RANBP2: variants seen among roughly 807,000 people sequenced by gnomAD.
RANBP2 encodes the protein RAN binding protein 2, also known as E3 SUMO-protein ligase RanBP2.
Under a neutral mutation model 303.6 loss-of-function variants are expected in RANBP2, and 57 were observed. That is an observed-to-expected ratio of 0.19 (90% CI 0.15 to 0.23). The LOEUF (loss-of-function observed/expected upper bound fraction) is 0.23, where lower values mean the gene tolerates loss of function less well. RANBP2 is among the 10% of genes least tolerant of loss of function. The pLI, the probability that RANBP2 is intolerant of heterozygous loss-of-function variation, is 1.00. For synonymous variants in RANBP2, 1,167 were observed against 1,301.5 expected, an observed-to-expected ratio of 0.90 and a Z score of 2.23; for missense variants, 3,138 against 3,780.8, an observed-to-expected ratio of 0.83 and a Z score of 4.46.
intron 4 of RANBP2, among the ~76,000 whole-genome samples, chr2:108,734,379 G>T (rs1695404588): frequency 1.3e-5 from 2 of 152,110 alleles, no homozygotes; most frequent in South Asian, 4.1e-4. Context: ...TACTAAAATG[G>T]TATTTTGTTT....
At chr2:109,280,543 A>T in the RANBP2 span, among the ~76,000 whole-genome samples, 4 of 152,208 alleles carry the variant, frequency 2.6e-5, no homozygotes, top group African/African-American at 9.6e-5. Context: ...CAGTCCTAGC[A>T]GTCATTGAAA....
At chr2:109,604,014 T>C in the RANBP2 span, among the ~76,000 whole-genome samples, 1 of 151,180 alleles carries the variant, frequency 6.6e-6, no homozygotes, top group African/African-American at 2.4e-5. Context: ...ACAAAAAAAT[T>C]AGCCGGGCAT....
the RANBP2 span, among the ~76,000 whole-genome samples, chr2:108,797,231 T>C: frequency 6.6e-6 from 1 of 151,950 alleles, no homozygotes; most frequent in Non-Finnish European, 1.5e-5. Flanking sequence ...TAAGTGACAG[T>C]AGAGGAAGCA....
chr2:109,422,636 T>C, the RANBP2 span, among the ~76,000 whole-genome samples: 2 of 152,248 alleles, frequency 1.3e-5, no homozygotes, highest in Admixed American at 6.5e-5. Context: ...CCGCCATTCC[T>C]CTGGCAGACC....
chr2:109,143,424 T>G, the RANBP2 span, among the ~76,000 whole-genome samples: 1 of 152,064 alleles, frequency 6.6e-6, no homozygotes, highest in Non-Finnish European at 1.5e-5. Flanking sequence ...GCAACCCAGA[T>G]GTCCATCACC....
chr2:109,634,359 G>A, the RANBP2 span, among the ~76,000 whole-genome samples: 1 of 151,912 alleles, frequency 6.6e-6, no homozygotes, highest in Non-Finnish European at 1.5e-5. Context: ...ATTAAAAAAA[G>A]CCATAAAGAA....
the RANBP2 span, among the ~76,000 whole-genome samples, chr2:109,428,023 G>T: frequency 6.6e-6 from 1 of 152,192 alleles, no homozygotes; most frequent in Non-Finnish European, 1.5e-5. Context: ...GACTTACCCA[G>T]CCCTCCCCAG....
chr2:109,222,094 C>G, the RANBP2 span, among the ~76,000 whole-genome samples: 1 of 152,022 alleles, frequency 6.6e-6, no homozygotes, highest in Non-Finnish European at 1.5e-5. Flanking sequence ...ACAAGCCAGG[C>G]ACAGAAAGGC....
At chr2:108,910,969 C>A in the RANBP2 span, 1 of 1,614,114 alleles carries the variant, frequency 6.2e-7, no homozygotes, top group Non-Finnish European at 8.5e-7. Context: ...GCTTTGTCTT[C>A]AGGATGTAGA....
the RANBP2 span, among the ~76,000 whole-genome samples, chr2:108,809,160 G>C: frequency 6.6e-6 from 1 of 152,074 alleles, no homozygotes; most frequent in African/African-American, 2.4e-5. Context: ...TCTCTATGCT[G>C]TTCCATTAGT....
At chr2:109,443,208 C>T in the RANBP2 span, among the ~76,000 whole-genome samples, 1 of 152,184 alleles carries the variant, frequency 6.6e-6, no homozygotes, top group Non-Finnish European at 1.5e-5. Context: ...ATTTATTTGA[C>T]AAAAGAGAAA....
Position 108,740,513 on chromosome 2 carries a change from G to A in RANBP2, c.807G>A (p.Val269=), listed in dbSNP as rs773910679. ...LQSFDSALQS[V]KSLGGNDELS... ...GTTTTGATAGTGCTCTTCAGTCTGT[G>A]AAATCTTTGGGTGGAAATGATGAAC... The change falls in exon 7 of 29, where the codon GTG becomes GTA. Residue 269 remains valine, a synonymous_variant. Transcript: ENST00000283195. 4 of 1,597,558 alleles carry A rather than the reference G, an allele frequency of 2.5e-6. No individual in the cohort carries two copies. Among genetic ancestry groups the A allele is most frequent in the Non-Finnish European group, 3.4e-6 (4 of 1,179,776 alleles).
the RANBP2 span, among the ~76,000 whole-genome samples, chr2:109,595,392 C>T: frequency 1.3e-5 from 2 of 152,178 alleles, no homozygotes; most frequent in Admixed American, 6.5e-5. Flanking sequence ...CAGGCTTTAG[C>T]TTTTAACTAC....
chr2:109,297,940 A>C, the RANBP2 span, among the ~76,000 whole-genome samples: 3 of 146,530 alleles, frequency 2.0e-5, no homozygotes, highest in African/African-American at 7.6e-5. Context: ...TTCCCCCCCC[A>C]CCACCAGACT....
chr2:109,663,646 A>G, the RANBP2 span, among the ~76,000 whole-genome samples: 1 of 152,260 alleles, frequency 6.6e-6, no homozygotes, highest in African/African-American at 2.4e-5. Flanking sequence ...TTAGGAAGAT[A>G]AAATGGAATT....
chr2:108,726,639 T>A (rs1010541994), intron 1 of RANBP2, among the ~76,000 whole-genome samples: 5 of 151,890 alleles, frequency 3.3e-5, no homozygotes, highest in Admixed American at 6.6e-5. Context: ...ATTATTTTTT[T>A]AATTTATTTT....
At chr2:109,384,838 A>G in the RANBP2 span, among the ~76,000 whole-genome samples, 76,467 of 151,792 alleles carry the variant, frequency 0.5, 19,273 homozygotes, top group Middle Eastern at 0.55. Context: ...GGTAACTCCA[A>G]CCCGATGGTT....
At chr2:109,004,330 C>G in the RANBP2 span, among the ~76,000 whole-genome samples, 19 of 152,208 alleles carry the variant, frequency 1.2e-4, no homozygotes, top group Non-Finnish European at 2.4e-4. Context: ...CAGCTTGTTC[C>G]TCATAGTCCA....
the RANBP2 span, among the ~76,000 whole-genome samples, chr2:109,351,390 C>T: frequency 6.6e-6 from 1 of 152,242 alleles, no homozygotes; most frequent in Non-Finnish European, 1.5e-5. Flanking sequence ...CTGAGAACCA[C>T]ATGATATAAA....
Sources: gnomAD v4.1 joint callset for allele counts (sites outside exome capture counted in the v4.1 genomes callset) on GRCh38, gnomAD v4.1.1 for gene constraint, MANE v1.5 for transcripts, NCBI Gene and HGNC (gene_info 2026-07-23, HGNC 2026-07-21) for gene names.